GAS2: variants seen among roughly 807,000 people sequenced by gnomAD.
GAS2 encodes growth arrest specific 2.
Under a neutral mutation model 37.5 loss-of-function variants are expected in GAS2, and 20 were observed. That is an observed-to-expected ratio of 0.53 (90% CI 0.37 to 0.77). GAS2 has a LOEUF of 0.77. GAS2 is among the 30% of genes least tolerant of loss of function. The pLI, the probability that GAS2 is intolerant of heterozygous loss-of-function variation, is 0.00. For synonymous variants in GAS2, 144 were observed against 132.2 expected, an observed-to-expected ratio of 1.09 and a Z score of -0.61; for missense variants, 336 against 373.4, an observed-to-expected ratio of 0.90 and a Z score of 0.82.
chr11:22,772,432 TG>T, intron 7 of GAS2, among the ~76,000 whole-genome samples: 1 of 152,352 alleles, frequency 6.6e-6, no homozygotes, highest in South Asian at 2.1e-4. Flanking sequence ...TTTTGGTTTT[TG>T]TTTTTTGTTT....
At chr11:22,737,795 AAGAC>A (rs1565118446) in intron 5 of GAS2, 27 bp downstream of exon 5, 1 of 1,606,346 alleles carries the variant, frequency 6.2e-7, no homozygotes, top group Admixed American at 1.7e-5. Context: ...CAACTATGTC[AAGAC>A]ATTGACGATT....
intron 7 of GAS2, among the ~76,000 whole-genome samples, chr11:22,759,748 G>A (rs988072469): frequency 3.9e-5 from 6 of 152,136 alleles, no homozygotes; most frequent in East Asian, 1.9e-4. Flanking sequence ...ACCATAATAC[G>A]TATCTTTGAA....
intron 3 of GAS2, among the ~76,000 whole-genome samples, chr11:22,686,414 A>G (rs574986964): frequency 1.3e-5 from 2 of 152,000 alleles, no homozygotes; most frequent in South Asian, 2.1e-4. Context: ...AAGAGATATA[A>G]AAAATATTAA....
chr11:22,640,099 T>A lies in GAS2; in HGVS notation c.-21+14286T>A, dbSNP rs181945130. Among the ~76,000 whole-genome samples the A allele has an allele frequency of 1.8e-4, 28 of 152,310 alleles. No individual in the cohort carries two copies. In the East Asian group the frequency reaches 3.9e-3, roughly 21 times the overall value. The stretch of plus-strand genomic sequence containing the variant: ...CCAAGAAGGACATAACAGAACCTAA[T>A]GAATTCAGAGGAAGGTAGTGGAGGA... On this transcript the variant is annotated intron_variant, in intron 1 of 5. Transcript: ENST00000528582.
At chr11:22,788,979 A>G (rs1855959626) in intron 7 of GAS2, among the ~76,000 whole-genome samples, 1 of 152,062 alleles carries the variant, frequency 6.6e-6, no homozygotes, top group South Asian at 2.1e-4. Context: ...TTATCATTTA[A>G]TAGATATTTT....
chr11:22,777,324 G>A (rs989806898), intron 7 of GAS2, among the ~76,000 whole-genome samples: 5 of 152,158 alleles, frequency 3.3e-5, no homozygotes, highest in Admixed American at 6.6e-5. Flanking sequence ...AGAAGCCATG[G>A]CTTCAGACCT....
intron 7 of GAS2, among the ~76,000 whole-genome samples, chr11:22,799,671 A>G (rs1856575592): frequency 6.6e-6 from 1 of 152,108 alleles, no homozygotes; most frequent in South Asian, 2.1e-4. Context: ...AAATAAGGGC[A>G]TAAACCATTT....
chr11:22,748,106 A>T lies in GAS2; in HGVS notation c.474-1014A>T, dbSNP rs1042679140. On this transcript the variant is annotated intron_variant, in intron 5 of 7. Coordinates refer to ENST00000454584, the MANE Select transcript of GAS2 (RefSeq NM_001143830.3). ...TATATTTTTTAAAAATAGATAAAAA[A>T]GTAGATAATAGTAGATTAAAAAAAA... is the stretch of plus-strand genomic sequence containing the variant. 5.9e-5 allele frequency among the ~76,000 whole-genome samples: 9 copies of T among 152,242 alleles called. No individual in the cohort carries two copies. The South Asian group carries it at 1.4e-3, about 25-fold the overall frequency.
chr11:22,647,205 G>T (rs1848707201), intron 1 of GAS2, among the ~76,000 whole-genome samples: 1 of 151,422 alleles, frequency 6.6e-6, no homozygotes, highest in Admixed American at 6.6e-5. Context: ...AGTTTACTGA[G>T]AATGATGATT....
At chr11:22,695,439 C>T (rs1218727671) in intron 3 of GAS2, among the ~76,000 whole-genome samples, 2 of 152,086 alleles carry the variant, frequency 1.3e-5, no homozygotes, top group East Asian at 1.9e-4. Context: ...AGGAGCATAC[C>T]GGGTGTAGAG....
chr11:22,652,993 G>GTCTTTCTTTCTTTGTCTGTCTTTCTT (rs1554965875), intron 1 of GAS2, among the ~76,000 whole-genome samples: 12 of 97,114 alleles, frequency 1.2e-4, no homozygotes, highest in African/African-American at 3.4e-4. Flanking sequence ...TTCTTTCTTT[G>GTCTTTCTTTCTTTGTCTGTCTTTCTT]TCTTTCTTTC....
chr11:22,792,465 G>T (rs1022892553), intron 7 of GAS2, among the ~76,000 whole-genome samples: 1 of 152,174 alleles, frequency 6.6e-6, no homozygotes, highest in African/African-American at 2.4e-5. Context: ...AAAAATAGAA[G>T]TTGAACTGGT....
At chr11:22,777,047 T>C (rs148920385) in intron 7 of GAS2, among the ~76,000 whole-genome samples, 174 of 152,288 alleles carry the variant, frequency 1.1e-3, no homozygotes, top group African/African-American at 4.2e-3. Flanking sequence ...ATAATTTGCT[T>C]TCACAATGCA....
intron 3 of GAS2, among the ~76,000 whole-genome samples, chr11:22,692,493 C>T (rs1850294601): frequency 1.3e-5 from 2 of 152,080 alleles, no homozygotes; most frequent in Admixed American, 1.3e-4. Flanking sequence ...TCTGGAAAGG[C>T]AGGACAACTT....
chr11:22,681,983 A>G (rs1007708303), intron 2 of GAS2, among the ~76,000 whole-genome samples: 12 of 152,134 alleles, frequency 7.9e-5, no homozygotes, highest in Middle Eastern at 3.4e-3. Context: ...TAATCATTGG[A>G]AGGAAAATAT....
chr11:22,645,506 A>T (rs756028418), intron 1 of GAS2, among the ~76,000 whole-genome samples: 45 of 149,992 alleles, frequency 3.0e-4, no homozygotes, highest in African/African-American at 1.0e-3. Flanking sequence ...CTGTCTTAAA[A>T]ATATATATAT....
chr11:22,792,648 T>C (rs1564891447), intron 7 of GAS2, among the ~76,000 whole-genome samples: 1 of 152,228 alleles, frequency 6.6e-6, no homozygotes, highest in Non-Finnish European at 1.5e-5. Context: ...TCGTTATGTA[T>C]GGCTTTTATA....
intron 1 of GAS2, chr11:22,674,633 A>G (rs1014646262): frequency 6.2e-6 from 2 of 324,936 alleles, no homozygotes; most frequent in Admixed American, 4.9e-5. Flanking sequence ...TTGATTTTCT[A>G]TTTGACCTTT....
chr11:22,707,142 G>A (rs1176409039), intron 3 of GAS2, among the ~76,000 whole-genome samples: 1 of 152,176 alleles, frequency 6.6e-6, no homozygotes, highest in African/African-American at 2.4e-5. Flanking sequence ...TGTATAGAAT[G>A]GGTAAGGGAG....
Sources: gnomAD v4.1 joint callset for allele counts (sites outside exome capture counted in the v4.1 genomes callset) on GRCh38, gnomAD v4.1.1 for gene constraint, MANE v1.5 for transcripts, NCBI Gene and HGNC (gene_info 2026-07-23, HGNC 2026-07-21) for gene names.